The following OSBPL9 variants were observed in gnomAD, a reference collection of about 807,000 sequenced individuals.
OSBPL9 encodes the protein oxysterol-binding protein-related protein 9.
In OSBPL9, 40 loss-of-function variants were observed where a neutral mutation model predicts 106.6. The ratio of observed to expected loss-of-function variants is 0.38; its 90% CI spans 0.29 to 0.49. The LOEUF is 0.49. OSBPL9 is among the 20% of genes least tolerant of loss of function. OSBPL9 has a pLI of 0.97. For synonymous variants in OSBPL9, 269 were observed against 295.4 expected (o/e 0.91, Z 0.92); for missense variants, 609 against 887.2 (o/e 0.69, Z 3.98).
At chr1:51,544,607 TACC>T in the OSBPL9 span, among the ~76,000 whole-genome samples, 1 of 150,986 alleles carries the variant, frequency 6.6e-6, no homozygotes, top group African/African-American at 2.4e-5. Flanking sequence ...AGTTAAGGGC[TACC>T]ACCATAAGGA....
chr1:51,626,473 AT>A (rs1267988973), intron 1 of OSBPL9, among the ~76,000 whole-genome samples: 2 of 151,918 alleles, frequency 1.3e-5, no homozygotes. Flanking sequence ...AGTTGTAATC[AT>A]TTTATACAGA....
chr1:51,765,988 A>T lies in OSBPL9; in HGVS notation c.938+7A>T. ...CCCCAAAGCGCTTAATAGAGTGAGT[A>T]GATGAACAGAATATGTATTTAAATG... On this transcript the variant is annotated splice_region_variant and intron_variant, in intron 12 of 23. Transcript: ENST00000428468. The T allele has an allele frequency of 6.3e-7, 1 of 1,596,320 alleles. No individual in the cohort carries two copies. The highest frequency in any genetic ancestry group is 8.5e-7 in the Non-Finnish European group (1 of 1,171,584).
chr1:51,539,815 G>C, the OSBPL9 span, among the ~76,000 whole-genome samples: 1 of 152,200 alleles, frequency 6.6e-6, no homozygotes, highest in Admixed American at 6.5e-5. Flanking sequence ...GCTAGATCAT[G>C]TCACTACCTA....
At chr1:51,555,182 A>T in the OSBPL9 span, among the ~76,000 whole-genome samples, 1 of 152,096 alleles carries the variant, frequency 6.6e-6, no homozygotes, top group African/African-American at 2.4e-5. Context: ...TTCTGATGAT[A>T]CTTACATATA....
chr1:51,558,431 G>C, the OSBPL9 span, among the ~76,000 whole-genome samples: 1 of 152,048 alleles, frequency 6.6e-6, no homozygotes, highest in Non-Finnish European at 1.5e-5. Flanking sequence ...TTCTCCTATA[G>C]ATAACATCAC....
chr1:51,687,577 A>T (rs1654077227), intron 3 of OSBPL9, among the ~76,000 whole-genome samples: 1 of 152,208 alleles, frequency 6.6e-6, no homozygotes, highest in Non-Finnish European at 1.5e-5. Flanking sequence ...GGAAAGAAGG[A>T]TCACTTAGCA....
chr1:51,687,044 TAGC>T (rs1653965151), intron 3 of OSBPL9, among the ~76,000 whole-genome samples: 1 of 152,218 alleles, frequency 6.6e-6, no homozygotes, highest in Non-Finnish European at 1.5e-5. Context: ...GCCTGGCAAA[TAGC>T]AGGGCTCGAA....
At chr1:51,760,997 A>G (rs1671366485) in intron 10 of OSBPL9, among the ~76,000 whole-genome samples, 2 of 152,348 alleles carry the variant, frequency 1.3e-5, no homozygotes, top group South Asian at 4.1e-4. Flanking sequence ...TTGTTATTCA[A>G]AGTGAGATAG....
rs376790132 is a variant in OSBPL9 at position 51,747,593 on chromosome 1, G to A, written c.463-776G>A. 7.4e-4 allele frequency among the ~76,000 whole-genome samples: 60 copies of A among 80,990 alleles called. 2 individuals carry two copies. In the South Asian group the frequency reaches 0.018, roughly 25 times the overall value. The allele number at this position is 80,990 out of a possible 152,430, so 53.1% of individuals were successfully genotyped here. A position where few individuals can be genotyped will look rare whatever the true frequency, so the allele number is the denominator to read the frequency against. ...TTTTTTTTTTGCTCTTCTGTTGACT[G>A]TATAGCCTTGCGTTTGGCTCTTTTA... On this transcript the variant is annotated intron_variant, in intron 6 of 23. Coordinates refer to ENST00000428468, the MANE Select transcript of OSBPL9 (RefSeq NM_024586.6).
chr1:51,592,001 C>G (rs1296829103), intron 1 of OSBPL9, among the ~76,000 whole-genome samples: 1 of 151,348 alleles, frequency 6.6e-6, no homozygotes, highest in African/African-American at 2.4e-5. Context: ...GCAGAATCAG[C>G]CCTTCTGCAC....
intron 1 of OSBPL9, among the ~76,000 whole-genome samples, chr1:51,620,372 T>G (rs1394563905): frequency 6.6e-6 from 1 of 152,094 alleles, no homozygotes; most frequent in Non-Finnish European, 1.5e-5. Context: ...GAAGTGGGGT[T>G]AAAGTGGCAA....
At chr1:51,779,864 T>G (rs1001219955) in intron 15 of OSBPL9, among the ~76,000 whole-genome samples, 2 of 151,994 alleles carry the variant, frequency 1.3e-5, no homozygotes, top group African/African-American at 4.8e-5. Context: ...GATCACGAGG[T>G]CAGGAGAGTG....
intron 1 of OSBPL9, among the ~76,000 whole-genome samples, chr1:51,641,986 A>T (rs553683310): frequency 6.6e-6 from 1 of 152,324 alleles, no homozygotes; most frequent in South Asian, 2.1e-4. Context: ...GGTAAGTGTC[A>T]AGTGGTTATA....
At chr1:51,616,003 G>GT (rs764823727), upstream of OSBPL9, among the ~76,000 whole-genome samples, 8,294 of 104,132 alleles carry the variant, frequency 0.08, 369 homozygotes, top group Middle Eastern at 0.093. Context: ...AAATCCTTTG[G>GT]TTTTTTTTTT....
intron 1 of OSBPL9, 102 bp downstream of exon 1, chr1:51,617,323 T>A: frequency 8.4e-7 from 1 of 1,190,558 alleles, no homozygotes; most frequent in South Asian, 1.6e-5. Flanking sequence ...GTTGCTAGTC[T>A]GGGGGTGCCG....
At chr1:51,723,149 CA>C (rs1662458390) in intron 4 of OSBPL9, among the ~76,000 whole-genome samples, 1 of 152,232 alleles carries the variant, frequency 6.6e-6, no homozygotes, top group Admixed American at 6.5e-5. Context: ...TACATTGACA[CA>C]TCATTATCAC....
At chr1:51,658,203 G>T (rs74635780) in intron 2 of OSBPL9, among the ~76,000 whole-genome samples, 1 of 151,916 alleles carries the variant, frequency 6.6e-6, no homozygotes, top group Non-Finnish European at 1.5e-5. Flanking sequence ...ACATTCTGGC[G>T]TTGTGACTTG....
chr1:51,639,316 G>A (rs529937996), intron 1 of OSBPL9, among the ~76,000 whole-genome samples: 184 of 152,238 alleles, frequency 1.2e-3, no homozygotes, highest in African/African-American at 4.3e-3. Flanking sequence ...ATGGTCGAAG[G>A]TACAACACTG....
intron 1 of OSBPL9, among the ~76,000 whole-genome samples, chr1:51,639,972 C>CA (rs1286574618): frequency 6.6e-6 from 1 of 151,748 alleles, no homozygotes; most frequent in Non-Finnish European, 1.5e-5. Context: ...TATAGGCACA[C>CA]ACCACCATGT....
Sources: allele counts gnomAD v4.1 joint callset (sites outside exome capture counted in the v4.1 genomes callset), GRCh38; gene constraint gnomAD v4.1.1; transcripts MANE v1.5; gene names NCBI Gene and HGNC (gene_info 2026-07-23, HGNC 2026-07-21).